Variants in MAP3K4 observed in about 807,000 individuals in gnomAD.
MAP3K4 encodes MAP three kinase 1.
Under a neutral mutation model 185.6 loss-of-function variants are expected in MAP3K4, and 67 were observed. The ratio of observed to expected loss-of-function variants is 0.36; its 90% confidence interval spans 0.30 to 0.44. MAP3K4 has a LOEUF of 0.44. Ranked by LOEUF, MAP3K4 falls within the 20% of genes least tolerant of loss-of-function variation. The pLI, the probability that MAP3K4 is intolerant of heterozygous loss-of-function variation, is 1.00. For missense variants in MAP3K4, 1,551 were observed against 1,995.1 expected (o/e 0.78, Z 4.24); for synonymous variants, 702 against 710.4 (o/e 0.99, Z 0.19).
intron 1 of MAP3K4, among the ~76,000 whole-genome samples, chr6:161,026,749 T>C (rs1452251793): frequency 1.3e-5 from 2 of 148,810 alleles, no homozygotes; most frequent in South Asian, 2.1e-4. Context: ...TTTTTTTTTT[T>C]TTTTTTTTGT....
In MAP3K4 at chr6:161,080,751, C is replaced by T. The variant is rs73026055; in HGVS notation, c.2098-130C>T. The T allele has an allele frequency of 7.6e-3, 5,399 of 710,490 alleles. 38 individuals are homozygous for T. Among genetic ancestry groups the T allele is most frequent in the Non-Finnish European group, 9.2e-3 (3,815 of 413,864 alleles). 44.0% of individuals were successfully genotyped at this position (710,490 alleles called of 1,614,324 possible). ...ACAGTGGTGAGAACCTTGCTTCTGTCGGTGCTGCGTGCCTGTGACAGCCCC... is the reference window on the plus strand; with the variant it reads ...ACAGTGGTGAGAACCTTGCTTCTGTTGGTGCTGCGTGCCTGTGACAGCCCC... On this transcript the variant is annotated intron_variant, in intron 5 of 26. Transcript: ENST00000392142. The surrounding 1 kb of genome is among the most constrained non-coding windows in gnomAD (Gnocchi z 4.8).
intron 1 of MAP3K4, among the ~76,000 whole-genome samples, chr6:160,993,162 G>A (rs1482246269): frequency 6.6e-6 from 1 of 152,170 alleles, no homozygotes; most frequent in East Asian, 1.9e-4. Flanking sequence ...ATTTTTATAA[G>A]CTGTGAAGAA....
rs968153856 is a variant in MAP3K4, at chr6:161,043,679, A to G, written c.344-4937A>G. On this transcript the variant is annotated intron_variant, in intron 2 of 26. Transcript: ENST00000392142. This position sits in a 1 kb window ranked among gnomAD's most constrained non-coding sequence, Gnocchi z 4.3. ...CTCAAAATGTGGAGCCATTGTAGCC[A>G]TGTCAGAGATACGTGCACTTTAGCA... 6.6e-6 allele frequency among the ~76,000 whole-genome samples: 1 copy of G among 152,382 alleles called. No individual in the cohort carries two copies. The highest frequency in any genetic ancestry group is 2.4e-5 in the African/African-American group (1 of 41,596).
At chr6:161,038,344 G>C (rs774896855) in intron 2 of MAP3K4, among the ~76,000 whole-genome samples, 10 of 152,220 alleles carry the variant, frequency 6.6e-5, no homozygotes, top group Non-Finnish European at 1.5e-4. Flanking sequence ...GAGTCAGGAA[G>C]ACTAGTATTT....
In MAP3K4 at chr6:161,115,734, T is replaced by C. The variant is rs1778562745; in HGVS notation, c.4806+432T>C. Among the ~76,000 whole-genome samples the C allele has an allele frequency of 6.6e-6, 1 of 152,108 alleles. No homozygotes were observed. Among genetic ancestry groups the C allele is most frequent in the Admixed American group, 6.5e-5 (1 of 15,270 alleles). On this transcript the variant is annotated intron_variant, in intron 26 of 26. Coordinates refer to ENST00000392142, the MANE Select transcript of MAP3K4 (RefSeq NM_005922.4). The surrounding 1 kb of genome is among the most constrained non-coding windows in gnomAD (Gnocchi z 6.0). ...TCTCTAGAATGAGGTACCTTAGTTGTTTAAGAGCCACAGCCAGGTCAGAAG... is the reference window on the plus strand; with the variant it reads ...TCTCTAGAATGAGGTACCTTAGTTGCTTAAGAGCCACAGCCAGGTCAGAAG...
In MAP3K4 at chr6:161,051,888, C is replaced by T. The variant is rs1206440084; in HGVS notation, c.1707+1909C>T. Among the ~76,000 whole-genome samples, 3 of 152,274 alleles carry T rather than the reference C, an allele frequency of 2.0e-5. No individual in the cohort carries two copies. The East Asian group carries it at 5.8e-4, about 29-fold the overall frequency. On this transcript the variant is annotated intron_variant, in intron 3 of 26. Transcript: ENST00000392142. This position sits in a 1 kb window ranked among gnomAD's most constrained non-coding sequence, Gnocchi z 4.2. ...CTGTTTTAGAGACAAGATCTCACTA[C>T]GTTGCCCAGGCTGGACTCAAACTCG...
At chr6:161,041,800 C>A (rs1783465515) in intron 2 of MAP3K4, among the ~76,000 whole-genome samples, 1 of 151,944 alleles carries the variant, frequency 6.6e-6, no homozygotes, top group South Asian at 2.1e-4. Context: ...AAACTGGTAT[C>A]TCCACTTCAG....
chr6:161,095,557 G>C (rs1777528374), intron 15 of MAP3K4, among the ~76,000 whole-genome samples: 1 of 152,128 alleles, frequency 6.6e-6, no homozygotes, highest in South Asian at 2.1e-4. Flanking sequence ...CATTCTCCCT[G>C]TACCTTTCTC....
chr6:161,026,234 C>T (rs1782645501), intron 1 of MAP3K4, among the ~76,000 whole-genome samples: 1 of 151,946 alleles, frequency 6.6e-6, no homozygotes, highest in East Asian at 1.9e-4. Flanking sequence ...GGGTTCATGC[C>T]ATTCTCCTGC....
intron 3 of MAP3K4, among the ~76,000 whole-genome samples, chr6:161,069,295 T>A (rs1784831645): frequency 6.6e-6 from 1 of 151,914 alleles, no homozygotes. Flanking sequence ...GGGTTTAGAG[T>A]ATTTTAGTGG....
At chr6:160,993,115 C>T (rs1048480037) in intron 1 of MAP3K4, among the ~76,000 whole-genome samples, 1 of 152,174 alleles carries the variant, frequency 6.6e-6, no homozygotes, top group Non-Finnish European at 1.5e-5. Flanking sequence ...CATATTCTTG[C>T]TTGTCATCAT....
intron 3 of MAP3K4, among the ~76,000 whole-genome samples, chr6:161,069,821 A>G (rs534030905): frequency 6.6e-6 from 1 of 152,090 alleles, no homozygotes; most frequent in East Asian, 1.9e-4. Flanking sequence ...GCTCCCATGG[A>G]GCAGGGAGAA....
Position 161,033,026 on chromosome 6 carries a change from T to C in MAP3K4, c.153-1233T>C, listed in dbSNP as rs560835133. 1.9e-4 allele frequency among the ~76,000 whole-genome samples: 29 copies of C among 152,334 alleles called. No individual in the cohort carries two copies. The South Asian group carries it at 4.8e-3, about 25-fold the overall frequency. On this transcript the variant is annotated intron_variant, in intron 1 of 26. Transcript: ENST00000392142. ...TTTTTATAATTCTGCAATATTTTTA[T>C]TTTTCAAAAGGTAATTTATTTTCTG...
rs1785414590 is a variant in MAP3K4, at chr6:161,080,784, C to T, written c.2098-97C>T. 1.8e-6 allele frequency: 2 copies of T among 1,108,838 alleles called. No individual in the cohort carries two copies. The highest frequency in any genetic ancestry group is 2.6e-5 in the East Asian group (1 of 38,666). 68.7% of individuals were successfully genotyped at this position (1,108,838 alleles called of 1,614,324 possible). A position where few individuals can be genotyped will look rare whatever the true frequency, so the allele number is the denominator to read the frequency against. On this transcript the variant is annotated intron_variant, in intron 5 of 26. Transcript: ENST00000392142. The surrounding 1 kb of genome is among the most constrained non-coding windows in gnomAD (Gnocchi z 4.8). ...CGTGCCTGTGACAGCCCCCGGCCCG[C>T]CCCCACTTTACCCTGCTGATGTGTA... is the stretch of plus-strand genomic sequence containing the variant.
chr6:161,099,285 A>G (rs1380425629), intron 17 of MAP3K4, among the ~76,000 whole-genome samples: 2 of 152,246 alleles, frequency 1.3e-5, no homozygotes. Flanking sequence ...GTTAACAGGA[A>G]GATGATGCCT....
intron 1 of MAP3K4, among the ~76,000 whole-genome samples, chr6:161,005,887 A>G (rs556883251): frequency 6.6e-6 from 1 of 151,064 alleles, no homozygotes; most frequent in East Asian, 1.9e-4. Context: ...TCCGAGGTTC[A>G]AGCAATTCTC....
intron 1 of MAP3K4, among the ~76,000 whole-genome samples, chr6:161,011,727 G>C (rs1781850611): frequency 6.6e-6 from 1 of 152,130 alleles, no homozygotes; most frequent in Non-Finnish European, 1.5e-5. Flanking sequence ...TGTGTATTGA[G>C]GAACAGTTAC....
intron 1 of MAP3K4, among the ~76,000 whole-genome samples, chr6:160,999,593 G>A (rs530031773): frequency 2.3e-4 from 35 of 152,242 alleles, no homozygotes; most frequent in African/African-American, 7.5e-4. Flanking sequence ...TGTGCGTCTC[G>A]TTTTAGAGAT....
At chr6:161,026,733 C>CTT (rs553664182) in intron 1 of MAP3K4, among the ~76,000 whole-genome samples, 978 of 95,988 alleles carry the variant, frequency 0.01, 6 homozygotes, top group African/African-American at 0.015. Flanking sequence ...GTTCTCTCTC[C>CTT]TTTTTTTTTT....
Sources: gnomAD v4.1 joint callset for allele counts (sites outside exome capture counted in the v4.1 genomes callset) on GRCh38, gnomAD v4.1.1 for gene constraint, Gnocchi (gnomAD v3.1) non-coding constraint, MANE v1.5 for transcripts, NCBI Gene and HGNC (gene_info 2026-07-23, HGNC 2026-07-21) for gene names.